MAMDC2: variants seen among roughly 807,000 people sequenced by gnomAD.
MAMDC2 encodes the protein MAM domain containing 2.
Under a neutral mutation model 89.8 loss-of-function variants are expected in MAMDC2, and 57 were observed. That is an observed-to-expected ratio of 0.63 (90% CI 0.51 to 0.79). The LOEUF (loss-of-function observed/expected upper bound fraction) is 0.79, where lower values mean the gene tolerates loss of function less well. Among genes scored for constraint, MAMDC2 ranks in the 30% least tolerant of loss-of-function variants. The pLI, the probability that MAMDC2 is intolerant of heterozygous loss-of-function variation, is 0.00. For synonymous variants in MAMDC2, 313 were observed against 293.4 expected (o/e 1.07, Z -0.68); for missense variants, 800 against 820.6 (o/e 0.97, Z 0.31).
At chr9:70,220,595 G>A (rs909605583) in intron 12 of MAMDC2, among the ~76,000 whole-genome samples, 27 of 152,308 alleles carry the variant, frequency 1.8e-4, no homozygotes, top group Admixed American at 9.8e-4. Context: ...AGAGCTGTAC[G>A]TAAGTTCTTT....
rs1554681370 is a variant in MAMDC2 at position 70,199,202 on chromosome 9, C to CCCCCGTG, written c.1652-19131_1652-19130insGTGCCCC. 1.0e-3 allele frequency among the ~76,000 whole-genome samples: 23 copies of CCCCCGTG among 22,124 alleles called. 6 individuals carry two copies. Among genetic ancestry groups the CCCCCGTG allele is most frequent in the South Asian group, 5.3e-3 (1 of 190 alleles). 14.5% of individuals were successfully genotyped at this position (22,124 alleles called of 152,430 possible). A position where few individuals can be genotyped will look rare whatever the true frequency, so the allele number is the denominator to read the frequency against. On this transcript the variant is annotated intron_variant, in intron 11 of 13. Transcript: ENST00000377182. ...AGGTATATCTCCCAATGCTATCCCT[C>CCCCCGTG]CCCCCACCCCACCACAGTCCCCAGA...
At chr9:70,169,150 A>C (rs2032256611) in intron 10 of MAMDC2, among the ~76,000 whole-genome samples, 1 of 152,202 alleles carries the variant, frequency 6.6e-6, no homozygotes, top group Admixed American at 6.5e-5. Flanking sequence ...ACATGAATGC[A>C]GATTTTCAAG....
chr9:70,199,459 AT>A, intron 11 of MAMDC2, among the ~76,000 whole-genome samples: 1 of 149,964 alleles, frequency 6.7e-6, no homozygotes, highest in East Asian at 2.0e-4. Flanking sequence ...ATTGTTGGAC[AT>A]TTGGGTTGGT....
At chr9:70,150,188 T>C (rs931045232) in intron 9 of MAMDC2, among the ~76,000 whole-genome samples, 2 of 152,212 alleles carry the variant, frequency 1.3e-5, no homozygotes, top group African/African-American at 4.8e-5. Context: ...TTTCCACATG[T>C]GGTTTCTGTC....
At chr9:70,088,143 G>C (rs1827812688) in intron 2 of MAMDC2, among the ~76,000 whole-genome samples, 1 of 152,012 alleles carries the variant, frequency 6.6e-6, no homozygotes, top group African/African-American at 2.4e-5. Flanking sequence ...GCCTTCCTTG[G>C]TTCCATTCCA....
intron 5 of MAMDC2, among the ~76,000 whole-genome samples, chr9:70,123,934 G>A (rs542465842): frequency 1.3e-5 from 2 of 152,288 alleles, no homozygotes; most frequent in South Asian, 2.1e-4. Flanking sequence ...AGAACTGTGA[G>A]GCAATACATG....
At chr9:70,217,663 C>T (rs2033474897) in intron 11 of MAMDC2, 14 of 1,584,590 alleles carry the variant, frequency 8.8e-6, no homozygotes, top group Middle Eastern at 2.3e-4. Flanking sequence ...TGGTGGAAAA[C>T]GCTAAACTGG....
rs1287242566 is a variant in MAMDC2, at chr9:70,044,197, C to A, written c.-1C>A. 6.2e-7 allele frequency: 1 copy of A among 1,613,740 alleles called. No individual in the cohort carries two copies. The highest frequency in any genetic ancestry group is 1.7e-5 in the Admixed American group (1 of 60,036). ...CTAGTCATCCTCCCTGAAACGCGAC[C>A]ATGCTGTTAAGGGGCGTCCTCCTGG... On this transcript the variant is annotated 5_prime_UTR_variant, in exon 1 of 14. Coordinates refer to ENST00000377182, the MANE Select transcript of MAMDC2 (RefSeq NM_153267.5).
intron 2 of MAMDC2, among the ~76,000 whole-genome samples, chr9:70,050,866 C>T (rs1826877550): frequency 6.6e-6 from 1 of 152,166 alleles, no homozygotes; most frequent in Non-Finnish European, 1.5e-5. Flanking sequence ...TGTGGCTGAA[C>T]AAGGTGTGGA....
At chr9:70,206,886 T>A (rs1332662032) in intron 11 of MAMDC2, among the ~76,000 whole-genome samples, 2 of 152,102 alleles carry the variant, frequency 1.3e-5, no homozygotes, top group Non-Finnish European at 2.9e-5. Flanking sequence ...AGTGTTTGGT[T>A]TTCTGTCCTT....
intron 2 of MAMDC2, among the ~76,000 whole-genome samples, chr9:70,060,163 G>A (rs1041974326): frequency 2.6e-4 from 39 of 152,136 alleles, no homozygotes; most frequent in Middle Eastern, 3.4e-3. Context: ...TGTGTTTATT[G>A]TCTATCAACC....
chr9:70,100,462 A>G (rs1315719426), intron 2 of MAMDC2, among the ~76,000 whole-genome samples: 3 of 152,176 alleles, frequency 2.0e-5, no homozygotes, highest in African/African-American at 7.2e-5. Flanking sequence ...GAGTTCAGGG[A>G]CTAGACTTCA....
chr9:70,055,481 G>A (rs1461801576), intron 2 of MAMDC2, among the ~76,000 whole-genome samples: 1 of 152,172 alleles, frequency 6.6e-6, no homozygotes, highest in Non-Finnish European at 1.5e-5. Flanking sequence ...TGATGCTTTT[G>A]TTATTCCAGA....
At chr9:70,156,596 T>C (rs918985243) in intron 9 of MAMDC2, among the ~76,000 whole-genome samples, 3 of 152,338 alleles carry the variant, frequency 2.0e-5, no homozygotes, top group Non-Finnish European at 4.4e-5. Flanking sequence ...CATTAATTAC[T>C]GACAAGATAA....
chr9:70,138,976 C>A (rs1246803747), intron 7 of MAMDC2, among the ~76,000 whole-genome samples: 2 of 152,076 alleles, frequency 1.3e-5, no homozygotes, highest in African/African-American at 4.8e-5. Flanking sequence ...TATCTAAAAT[C>A]TTCATCTTAG....
At chr9:70,048,227 A>G (rs1398257769) in intron 2 of MAMDC2, among the ~76,000 whole-genome samples, 2 of 152,200 alleles carry the variant, frequency 1.3e-5, no homozygotes, top group Non-Finnish European at 2.9e-5. Context: ...ACTCACTTCT[A>G]AATCTTAAGT....
At chr9:70,090,585 T>A (rs1396450329) in intron 2 of MAMDC2, 1 of 151,930 alleles carries the variant, frequency 6.6e-6, no homozygotes, top group Non-Finnish European at 1.5e-5. Context: ...TGTTTAAATA[T>A]CAAAAAGTTT....
chr9:70,103,231 C>T (rs1267926298), intron 2 of MAMDC2, among the ~76,000 whole-genome samples: 1 of 152,064 alleles, frequency 6.6e-6, no homozygotes, highest in African/African-American at 2.4e-5. Context: ...CTGCATTATT[C>T]CCATTTTGAT....
At chr9:70,208,076 G>C (rs2118653992) in intron 11 of MAMDC2, among the ~76,000 whole-genome samples, 1 of 152,294 alleles carries the variant, frequency 6.6e-6, no homozygotes, top group East Asian at 1.9e-4. Flanking sequence ...AATGCTTCCA[G>C]CTTTGTTCTT....
Sources: allele counts gnomAD v4.1 joint callset (sites outside exome capture counted in the v4.1 genomes callset), GRCh38; gene constraint gnomAD v4.1.1; transcripts MANE v1.5; gene names NCBI Gene and HGNC (gene_info 2026-07-23, HGNC 2026-07-21).